The following CGGBP1 variants were observed in gnomAD, a reference collection of about 807,000 sequenced individuals.
The protein encoded by CGGBP1 is CGG triplet repeat-binding protein 1.
Under a neutral mutation model 11.4 loss-of-function variants are expected in CGGBP1, and 4 were observed. The observed-to-expected ratio is 0.35, with a 90% CI of 0.17 to 0.80. The LOEUF (loss-of-function observed/expected upper bound fraction) is 0.80. Among genes scored for constraint, CGGBP1 ranks in the 30% least tolerant of loss-of-function variants. The pLI, the probability that CGGBP1 is intolerant of heterozygous loss-of-function variation, is 0.52. For synonymous variants in CGGBP1, 76 were observed against 74.1 expected (o/e 1.03, Z -0.13); for missense variants, 135 against 202.1 (o/e 0.67, Z 2.01).
intron 2 of CGGBP1, chr3:88,095,447 C>G (rs544910623): frequency 2.8e-6 from 1 of 356,978 alleles, no homozygotes; most frequent in East Asian, 8.9e-5. Flanking sequence ...TTTCTGTATC[C>G]TCAAGGTACG....
At chr3:88,099,772 T>C (rs1704294028) in intron 2 of CGGBP1, among the ~76,000 whole-genome samples, 1 of 152,240 alleles carries the variant, frequency 6.6e-6, no homozygotes, top group South Asian at 2.1e-4. Context: ...GCTAGCCATA[T>C]GTAGAAAGCT....
chr3:88,082,438 T>G (rs1206769281), intron 2 of CGGBP1, among the ~76,000 whole-genome samples: 1 of 152,206 alleles, frequency 6.6e-6, no homozygotes, highest in Non-Finnish European at 1.5e-5. Flanking sequence ...GAATCAGTTT[T>G]TAAAAGTGGC....
intron 2 of CGGBP1, among the ~76,000 whole-genome samples, chr3:88,123,011 C>CAAAAAAA (rs1289535548): frequency 2.6e-5 from 2 of 76,138 alleles, no homozygotes; most frequent in African/African-American, 4.4e-5. Flanking sequence ...CTCTGAGTCT[C>CAAAAAAA]AAAAAAAAAA....
chr3:88,136,999 A>T (rs1284884720), intron 2 of CGGBP1, among the ~76,000 whole-genome samples: 1 of 152,120 alleles, frequency 6.6e-6, no homozygotes, highest in African/African-American at 2.4e-5. Flanking sequence ...GTTCAAGACC[A>T]GTCTGGCCAA....
At chr3:88,092,638 A>G (rs1483287208) in intron 2 of CGGBP1, among the ~76,000 whole-genome samples, 1 of 152,228 alleles carries the variant, frequency 6.6e-6, no homozygotes, top group Non-Finnish European at 1.5e-5. Context: ...TTTGATTTAC[A>G]TCATGACTTT....
At chr3:88,129,792 C>T in intron 2 of CGGBP1, 1 of 1,525,530 alleles carries the variant, frequency 6.6e-7, no homozygotes, top group Non-Finnish European at 8.8e-7. Flanking sequence ...CTTTCTTATT[C>T]CACAGCTCCA....
chr3:88,059,299 G>T (rs1422308252), upstream of CGGBP1: 1 of 1,532,938 alleles, frequency 6.5e-7, no homozygotes, highest in Admixed American at 2.0e-5. Flanking sequence ...GGGCTGGTAC[G>T]CGCTGGGCGG....
At chr3:88,137,150 A>G (rs9836364) in intron 2 of CGGBP1, among the ~76,000 whole-genome samples, 114,893 of 145,962 alleles carry the variant, frequency 0.79, 45,924 homozygotes, top group South Asian at 0.91. Flanking sequence ...AGCTGAGATC[A>G]TGCCATTCTA....
At chr3:88,143,459 T>G (rs1016610974) in intron 1 of CGGBP1, 5 of 152,344 alleles carry the variant, frequency 3.3e-5, no homozygotes, top group African/African-American at 1.2e-4. Flanking sequence ...GATTTTTATT[T>G]TAGTTCATTC....
chr3:88,130,462 G>GT (rs1014093513), intron 2 of CGGBP1, among the ~76,000 whole-genome samples: 2 of 151,810 alleles, frequency 1.3e-5, no homozygotes, highest in Admixed American at 6.6e-5. Flanking sequence ...TTTTGTTTTT[G>GT]TTTTTTGGAG....
At chr3:88,070,463 C>T (rs537580170) in intron 2 of CGGBP1, among the ~76,000 whole-genome samples, 2 of 149,688 alleles carry the variant, frequency 1.3e-5, no homozygotes, top group East Asian at 2.0e-4. Flanking sequence ...TTAAGAATTT[C>T]AAAACTTGCC....
At chr3:88,126,706 C>T (rs1490071499) in intron 2 of CGGBP1, among the ~76,000 whole-genome samples, 9 of 149,990 alleles carry the variant, frequency 6.0e-5, no homozygotes, top group Non-Finnish European at 1.3e-4. Context: ...GTCACTACTA[C>T]TGCATATCCT....
intron 2 of CGGBP1, among the ~76,000 whole-genome samples, chr3:88,073,259 C>T (rs1707618262): frequency 6.6e-6 from 1 of 151,844 alleles, no homozygotes; most frequent in Non-Finnish European, 1.5e-5. Flanking sequence ...CCCAATGAGT[C>T]TAATGCATGC....
chr3:88,091,353 T>G (rs1445397956), intron 2 of CGGBP1, among the ~76,000 whole-genome samples: 1 of 152,240 alleles, frequency 6.6e-6, no homozygotes, highest in Non-Finnish European at 1.5e-5. Context: ...TTTTGCAGAT[T>G]ACCAAAACTG....
At chr3:88,090,918 G>A (rs1220132160) in intron 2 of CGGBP1, among the ~76,000 whole-genome samples, 3 of 152,222 alleles carry the variant, frequency 2.0e-5, no homozygotes, top group Admixed American at 1.3e-4. Context: ...ACGAATTTGT[G>A]TTGGGCCTCA....
At chr3:88,119,765 C>T (rs185703210) in intron 2 of CGGBP1, among the ~76,000 whole-genome samples, 14 of 151,930 alleles carry the variant, frequency 9.2e-5, no homozygotes, top group African/African-American at 2.4e-4. Context: ...GTTAGAACAG[C>T]GACAATTAAT....
At chr3:88,113,514 A>G (rs1341806707) in intron 2 of CGGBP1, among the ~76,000 whole-genome samples, 4 of 152,274 alleles carry the variant, frequency 2.6e-5, no homozygotes, top group East Asian at 3.9e-4. Flanking sequence ...TAAGCTGTCT[A>G]TCCCATGCCA....
intron 2 of CGGBP1, chr3:88,140,915 C>T (rs551870040): frequency 1.2e-5 from 20 of 1,613,454 alleles, no homozygotes; most frequent in South Asian, 4.4e-5. Context: ...ATCAAGATAA[C>T]GTGTATAAAA....
chr3:88,136,455 T>C (rs1321686520), intron 2 of CGGBP1, among the ~76,000 whole-genome samples: 1 of 152,204 alleles, frequency 6.6e-6, no homozygotes, highest in Non-Finnish European at 1.5e-5. Flanking sequence ...TGAAGAGTCA[T>C]AAATACTGTG....
Sources: allele counts gnomAD v4.1 joint callset (sites outside exome capture counted in the v4.1 genomes callset), GRCh38; gene constraint gnomAD v4.1.1; transcripts MANE v1.5; gene names NCBI Gene and HGNC (gene_info 2026-07-23, HGNC 2026-07-21).